Variants in CHD7 observed in about 807,000 individuals in gnomAD.
CHD7 encodes ATP-dependent chromatin remodeler CHD7.
Under a neutral mutation model 307.3 loss-of-function variants are expected in CHD7, and 24 were observed. The ratio of observed to expected loss-of-function variants is 0.08; its 90% CI spans 0.06 to 0.11. CHD7 has a LOEUF of 0.11. Among genes scored for constraint, CHD7 ranks in the 10% least tolerant of loss-of-function variants. CHD7 has a pLI of 1.00. For missense variants in CHD7, 3,106 were observed against 3,727.1 expected (o/e 0.83, Z 4.34); for synonymous variants, 1,363 against 1,349.9 (o/e 1.01, Z -0.21).
intron 1 of CHD7, among the ~76,000 whole-genome samples, chr8:60,719,782 C>G (rs571179074): frequency 1.3e-5 from 2 of 152,140 alleles, no homozygotes; most frequent in Admixed American, 1.3e-4. Context: ...CTTCTCATCC[C>G]CACAGGTCTT....
intron 31 of CHD7, among the ~76,000 whole-genome samples, chr8:60,854,014 A>G (rs1337900078): frequency 5.9e-5 from 9 of 152,234 alleles, no homozygotes; most frequent in Non-Finnish European, 1.3e-4. Context: ...GGAACCTTCA[A>G]CTTTTGACAG....
chr8:60,720,718 G>T (rs1032816822), intron 1 of CHD7, among the ~76,000 whole-genome samples: 5 of 152,182 alleles, frequency 3.3e-5, no homozygotes, highest in African/African-American at 1.2e-4. Flanking sequence ...CATTGCTGCC[G>T]CTTACCAGCA....
chr8:60,740,191 TA>T (rs1253494948), intron 1 of CHD7, among the ~76,000 whole-genome samples: 6 of 152,240 alleles, frequency 3.9e-5, no homozygotes, highest in Non-Finnish European at 8.8e-5. Context: ...TGGAAGCACG[TA>T]GGGTGCGAAC....
rs570794315 is a variant in CHD7, at chr8:60,714,981, G to C, written c.-174-26278G>C. 2.6e-5 allele frequency among the ~76,000 whole-genome samples: 4 copies of C among 152,356 alleles called. No homozygotes were observed. In the East Asian group the frequency reaches 5.8e-4, roughly 22 times the overall value. On this transcript the variant is annotated intron_variant, in intron 1 of 37. Transcript: ENST00000423902. Reference sequence around the variant, plus strand: ...GAGGGGCAGGAGGGAATATTCTGCCGGCAGCCACAAGAATAGGAAAGAGAA... The same window carrying C: ...GAGGGGCAGGAGGGAATATTCTGCCCGCAGCCACAAGAATAGGAAAGAGAA...
chr8:60,840,320 C>T (rs1259346533), intron 19 of CHD7, among the ~76,000 whole-genome samples: 1 of 152,176 alleles, frequency 6.6e-6, no homozygotes, highest in African/African-American at 2.4e-5. Context: ...AGCTCACAGG[C>T]ACTGTGTATT....
rs535810066 is a variant in CHD7 at position 60,707,533 on chromosome 8, A to C, written c.-175+28451A>C. Reference sequence around the variant, plus strand: ...TGGATAAATAAAAAGTTTACAAGTTACCCTTGTATAAGAACCTACTTTGAG... The same window carrying C: ...TGGATAAATAAAAAGTTTACAAGTTCCCCTTGTATAAGAACCTACTTTGAG... On this transcript the variant is annotated intron_variant, in intron 1 of 37. Transcript: ENST00000423902. 5.1e-4 allele frequency among the ~76,000 whole-genome samples: 77 copies of C among 152,230 alleles called. 1 individual carries two copies. Among genetic ancestry groups the C allele is most frequent in the Non-Finnish European group, 2.4e-4 (16 of 68,038 alleles).
In CHD7 at chr8:60,742,742, A is replaced by G. The variant is rs746261185; in HGVS notation, c.1310A>G (p.His437Arg). 8.1e-6 allele frequency: 13 copies of G among 1,613,832 alleles called. No homozygotes were observed. Among genetic ancestry groups the G allele is most frequent in the Middle Eastern group, 1.6e-4 (1 of 6,084 alleles). Residue 437 changes from histidine (H) to arginine (R), a missense_variant, in exon 2 of 38, where the codon CAC (histidine) becomes CGC (arginine). His to Arg is a conservative substitution (Grantham distance 29). Transcript: ENST00000423902. ...YPNMPHPQPS[H>R]QPPGAMGIGQ... ...AATATGCCCCATCCTCAGCCATCTC[A>G]CCAGCCCCCTGGTGCCATGGGAATC... is the stretch of plus-strand genomic sequence containing the variant.
intron 1 of CHD7, among the ~76,000 whole-genome samples, chr8:60,728,865 A>G (rs1445830222): frequency 6.6e-6 from 1 of 152,208 alleles, no homozygotes; most frequent in Admixed American, 6.5e-5. Context: ...GGTTTGTTAC[A>G]TAGGTAAACT....
intron 15 of CHD7, among the ~76,000 whole-genome samples, chr8:60,832,808 C>T (rs935148246): frequency 2.0e-5 from 3 of 152,164 alleles, no homozygotes; most frequent in Admixed American, 6.5e-5. Flanking sequence ...TTGATGATTG[C>T]TTTCCAGGGT....
chr8:60,758,357 C>G (rs1809997091), intron 2 of CHD7, among the ~76,000 whole-genome samples: 1 of 152,136 alleles, frequency 6.6e-6, no homozygotes, highest in Non-Finnish European at 1.5e-5. Flanking sequence ...CTCCTGAGCT[C>G]AACTGATCCG....
At chr8:60,822,780 C>T (rs765499633) in intron 12 of CHD7, 34 bp downstream of exon 12, 30 of 1,523,366 alleles carry the variant, frequency 2.0e-5, no homozygotes, top group Non-Finnish European at 2.6e-5. Context: ...TTTGTACTTA[C>T]TCTGTGCATT....
At chr8:60,741,156 A>G (rs960982811) in intron 1 of CHD7, 103 bp from the exon 2 acceptor site, 5 of 456,428 alleles carry the variant, frequency 1.1e-5, no homozygotes, top group Non-Finnish European at 1.6e-5. Flanking sequence ...CGTATTGTTG[A>G]TGGGGACCAA....
At chr8:60,833,212 A>G (rs992625161) in intron 15 of CHD7, among the ~76,000 whole-genome samples, 4 of 152,250 alleles carry the variant, frequency 2.6e-5, no homozygotes, top group Admixed American at 1.3e-4. Context: ...TCAACATTCA[A>G]CAAAACACAT....
At chr8:60,702,459 C>G (rs924689819) in intron 1 of CHD7, among the ~76,000 whole-genome samples, 1 of 152,116 alleles carries the variant, frequency 6.6e-6, no homozygotes, top group African/African-American at 2.4e-5. Context: ...CTCTGACTGT[C>G]CTTTCCGACT....
At chr8:60,735,107 C>G (rs1808635321) in intron 1 of CHD7, among the ~76,000 whole-genome samples, 1 of 152,202 alleles carries the variant, frequency 6.6e-6, no homozygotes, top group Admixed American at 6.5e-5. Flanking sequence ...TTTATTCAAA[C>G]TGCAAGCTGC....
In CHD7 at chr8:60,836,110, A is replaced by G; in HGVS notation, c.3816A>G (p.Thr1272=). 1.2e-6 allele frequency: 2 copies of G among 1,613,044 alleles called. No homozygotes were observed. Among genetic ancestry groups the G allele is most frequent in the Non-Finnish European group, 1.7e-6 (2 of 1,179,568 alleles). Residue 1272 remains threonine (T), a synonymous_variant, in exon 16 of 38, where the codon ACA becomes ACG. Coordinates refer to ENST00000423902, the MANE Select transcript of CHD7 (RefSeq NM_017780.4). ...EEKILEEFKE[T]HNAESPDFQL... is the part of the protein sequence containing the mutation. ...AAATTTTGGAAGAGTTTAAAGAAAC[A>G]CACAATGCAGAGTCTCCAGATTTTC...
chr8:60,687,775 A>C (rs951203138), intron 1 of CHD7, among the ~76,000 whole-genome samples: 2 of 152,194 alleles, frequency 1.3e-5, no homozygotes, highest in Non-Finnish European at 2.9e-5. Flanking sequence ...CATTTTACAG[A>C]TGAGGAGACT....
intron 37 of CHD7, chr8:60,864,768 T>C (rs1403237259): frequency 5.9e-6 from 3 of 504,254 alleles, no homozygotes; most frequent in South Asian, 4.9e-5. Context: ...GAGTTAGTTA[T>C]GGATGCAGCT....
intron 1 of CHD7, among the ~76,000 whole-genome samples, chr8:60,732,154 T>G (rs566210408): frequency 6.6e-6 from 1 of 152,366 alleles, no homozygotes; most frequent in African/African-American, 2.4e-5. Context: ...AAAGACTGTT[T>G]ACACCCTTTC....
Sources: gnomAD v4.1 joint callset for allele counts (sites outside exome capture counted in the v4.1 genomes callset) on GRCh38, gnomAD v4.1.1 for gene constraint, MANE v1.5 for transcripts, NCBI Gene and HGNC (gene_info 2026-07-23, HGNC 2026-07-21) for gene names.